COL4A5: variants seen among roughly 807,000 people sequenced by gnomAD.
The protein encoded by COL4A5 is collagen alpha-5(IV) chain.
Under a neutral mutation model 130.2 loss-of-function variants are expected in COL4A5, and 26 were observed. The ratio of observed to expected loss-of-function variants is 0.20; its 90% CI spans 0.15 to 0.28. The LOEUF is 0.28. Ranked by LOEUF, COL4A5 falls within the 10% of genes least tolerant of loss-of-function variation. The pLI is 1.00. For missense variants in COL4A5, 1,131 were observed against 1,344.3 expected (o/e 0.84, Z 2.48); for synonymous variants, 496 against 439.6 (o/e 1.13, Z -1.60).
chrX:108,682,356 C>T (rs769672587), intron 47 of COL4A5, among the ~76,000 whole-genome samples: 10 of 111,843 alleles, frequency 8.9e-5, no homozygotes, highest in Admixed American at 3.8e-4. Context: ...AATAAACATA[C>T]GTGGGCATGT....
chrX:108,565,989 T>TC (rs2147739551), intron 4 of COL4A5, among the ~76,000 whole-genome samples: 1 of 108,425 alleles, frequency 9.2e-6, no homozygotes, highest in Admixed American at 9.8e-5. Context: ...TTCTTCTTTT[T>TC]TTTTTTTTTT....
chrX:108,539,728 T>C lies in COL4A5; in HGVS notation c.82-18T>C, dbSNP rs2065508167. 5.8e-6 allele frequency: 7 copies of C among 1,197,993 alleles called. No individual in the cohort carries two copies. The highest frequency in any genetic ancestry group is 7.9e-6 in the Non-Finnish European group (7 of 883,283). On this transcript the variant is annotated intron_variant, in intron 1 of 52. Coordinates refer to ENST00000328300, the MANE Select transcript of COL4A5 (RefSeq NM_033380.3). ...GGTTCATATTTAATGATTTTTTCCC[T>C]CTTTCTCTTCCTTATAGGCTTGCTA... is the stretch of plus-strand genomic sequence containing the variant.
At chrX:108,475,416 T>C (rs924539999) in intron 1 of COL4A5, among the ~76,000 whole-genome samples, 3 of 111,524 alleles carry the variant, frequency 2.7e-5, no homozygotes, top group Non-Finnish European at 5.6e-5. Context: ...TATATGCTTG[T>C]TATTTGTTTT....
intron 2 of COL4A5, among the ~76,000 whole-genome samples, chrX:108,544,566 TTC>T (rs1441060692): frequency 1.8e-5 from 2 of 110,482 alleles, no homozygotes; most frequent in African/African-American, 6.8e-5. Flanking sequence ...TGGTCTAAAA[TTC>T]TCTTTTTTGT....
At chrX:108,501,501 T>C (rs1259207044) in intron 1 of COL4A5, among the ~76,000 whole-genome samples, 1 of 111,802 alleles carries the variant, frequency 8.9e-6, no homozygotes, top group Admixed American at 9.5e-5. Flanking sequence ...GCAAGTTACT[T>C]AGTTTGTGAG....
intron 1 of COL4A5, among the ~76,000 whole-genome samples, chrX:108,505,546 G>T (rs750916915): frequency 3.6e-5 from 4 of 110,831 alleles, no homozygotes; most frequent in Non-Finnish European, 7.5e-5. Context: ...GGTTAAATGA[G>T]GTCATAAAGG....
At chrX:108,464,683 T>G (rs1234730910) in intron 1 of COL4A5, among the ~76,000 whole-genome samples, 2 of 112,531 alleles carry the variant, frequency 1.8e-5, no homozygotes, top group Non-Finnish European at 3.8e-5. Context: ...CAAAAGAAAT[T>G]TAAATAAATA....
intron 1 of COL4A5, among the ~76,000 whole-genome samples, chrX:108,524,071 T>G (rs2065290010): frequency 9.0e-6 from 1 of 111,533 alleles, no homozygotes; most frequent in African/African-American, 3.3e-5. Context: ...ATTGCATGCC[T>G]GTATCAAAAC....
chrX:108,518,204 A>G (rs374708179), intron 1 of COL4A5, among the ~76,000 whole-genome samples: 1 of 111,278 alleles, frequency 9.0e-6, no homozygotes, highest in African/African-American at 3.3e-5. Context: ...ATTTACCCAA[A>G]TACCATTAAA....
intron 36 of COL4A5, among the ~76,000 whole-genome samples, chrX:108,647,140 G>A (rs1178819013): frequency 1.5e-3 from 161 of 110,370 alleles, no homozygotes; most frequent in Non-Finnish European, 2.3e-3. Flanking sequence ...AGCTTGATGG[G>A]GATGGCATTG....
At chrX:108,507,999 G>A (rs999808886) in intron 1 of COL4A5, among the ~76,000 whole-genome samples, 3 of 111,030 alleles carry the variant, frequency 2.7e-5, no homozygotes, top group Non-Finnish European at 3.8e-5. Flanking sequence ...GCTCTCTCTC[G>A]CCACTTCTAT....
chrX:108,692,975 T>C (rs949908128), intron 50 of COL4A5, 50 bp downstream of exon 50: 13 of 1,172,009 alleles, frequency 1.1e-5, no homozygotes, highest in Non-Finnish European at 1.5e-5. Context: ...GTTAGTTAGC[T>C]AGTCAGATTT....
At chrX:108,546,098 G>C in intron 2 of COL4A5, among the ~76,000 whole-genome samples, 1 of 111,808 alleles carries the variant, frequency 8.9e-6, no homozygotes, top group Non-Finnish European at 1.9e-5. Flanking sequence ...GGAACATTCA[G>C]CCCATTTACA....
At chrX:108,545,233 C>T (rs1189826476) in intron 2 of COL4A5, among the ~76,000 whole-genome samples, 1 of 111,350 alleles carries the variant, frequency 9.0e-6, no homozygotes, top group African/African-American at 3.3e-5. Context: ...CCTGCTTTCT[C>T]TTGTGGGCAT....
At chrX:108,529,861 G>A (rs778481443) in intron 1 of COL4A5, among the ~76,000 whole-genome samples, 53 of 110,505 alleles carry the variant, frequency 4.8e-4, no homozygotes, top group African/African-American at 1.5e-3. Flanking sequence ...AAGAAGATAC[G>A]ACAACTCCAA....
At chrX:108,663,251 A>T (rs768392941) in intron 37 of COL4A5, among the ~76,000 whole-genome samples, 14 of 111,769 alleles carry the variant, frequency 1.3e-4, no homozygotes, top group African/African-American at 3.9e-4. Context: ...TTAAATTATA[A>T]TCAGTGAGAA....
rs201145323 is a variant in COL4A5 at position 108,656,134 on chromosome X, T to C, written c.3373+677T>C. Reference sequence around the variant, plus strand: ...CCATATGTATCAAGATATAAAATAGTTTCTTCATCCCACGAAGTTTACCCA... The same window carrying C: ...CCATATGTATCAAGATATAAAATAGCTTCTTCATCCCACGAAGTTTACCCA... On this transcript the variant is annotated intron_variant, in intron 37 of 52. Transcript: ENST00000328300. 5.4e-5 allele frequency among the ~76,000 whole-genome samples: 6 copies of C among 111,688 alleles called. No individual in the cohort carries two copies. In the East Asian group the frequency reaches 8.5e-4, roughly 16 times the overall value.
intron 1 of COL4A5, among the ~76,000 whole-genome samples, chrX:108,526,600 CTTTCTTTCTTTCTTTCTTT>C (rs2065317234): frequency 3.0e-4 from 7 of 23,303 alleles, no homozygotes; most frequent in African/African-American, 1.4e-3. Context: ...TCCCTCCTTT[CTTTCTTTCTTTCTTTCTTT>C]CTTTCTTTCT....
chrX:108,524,826 A>T (rs1427079350), intron 1 of COL4A5, among the ~76,000 whole-genome samples: 5 of 111,651 alleles, frequency 4.5e-5, no homozygotes, highest in African/African-American at 1.6e-4. Context: ...ATTGATTTCT[A>T]ATTTTATTCC....
Sources: gnomAD v4.1 joint callset for allele counts (sites outside exome capture counted in the v4.1 genomes callset) on GRCh38, gnomAD v4.1.1 for gene constraint, MANE v1.5 for transcripts, NCBI Gene and HGNC (gene_info 2026-07-23, HGNC 2026-07-21) for gene names.